Variants in SPDYE10 observed in about 807,000 individuals in gnomAD.
SPDYE10 encodes the protein speedy/RINGO cell cycle regulator family member E10.
chr7:73,126,506 CAAAAAAAA>C, the SPDYE10 span, among the ~76,000 whole-genome samples: 1 of 47,910 alleles, frequency 2.1e-5, no homozygotes, highest in Admixed American at 2.5e-4. Context: ...GACTCCATCT[CAAAAAAAA>C]AAAAAAAAAA....
the SPDYE10 span, among the ~76,000 whole-genome samples, chr7:73,125,063 G>T: frequency 7.1e-6 from 1 of 140,530 alleles, no homozygotes; most frequent in African/African-American, 2.9e-5. Context: ...AAGACAAGGG[G>T]TTGTCCCCAA....
At chr7:73,151,849 C>T in the SPDYE10 span, among the ~76,000 whole-genome samples, 2 of 97,110 alleles carry the variant, frequency 2.1e-5, no homozygotes, top group African/African-American at 5.2e-5. Flanking sequence ...AATTGCCATG[C>T]CCTGCTAAAT....
the SPDYE10 span, among the ~76,000 whole-genome samples, chr7:73,149,235 G>A: frequency 7.3e-6 from 1 of 136,508 alleles, no homozygotes; most frequent in South Asian, 2.5e-4. Flanking sequence ...ACCCGCCTTG[G>A]CCTCCCAAAG....
chr7:73,127,638 T>TA, the SPDYE10 span, among the ~76,000 whole-genome samples: 6,691 of 63,808 alleles, frequency 0.1, 138 homozygotes, highest in African/African-American at 0.22. Flanking sequence ...GGAAGACAAT[T>TA]AAAAAAAAAA....
At chr7:73,155,138 G>A in the SPDYE10 span, 1 of 136,054 alleles carries the variant, frequency 7.4e-6, no homozygotes, top group Middle Eastern at 3.7e-3. Flanking sequence ...GGGTCTCCGG[G>A]CCGGCTGTCG....
At chr7:73,113,757 C>T in the SPDYE10 span, among the ~76,000 whole-genome samples, 2 of 152,024 alleles carry the variant, frequency 1.3e-5, no homozygotes, top group Non-Finnish European at 2.9e-5. Context: ...TAGACGGGGC[C>T]AGGTGCCATG....
chr7:73,134,617 T>G, the SPDYE10 span, among the ~76,000 whole-genome samples: 3 of 152,118 alleles, frequency 2.0e-5, no homozygotes, highest in Non-Finnish European at 4.4e-5. Context: ...ATCCCAGAAT[T>G]TTGGGAGGCT....
chr7:73,123,914 C>T, the SPDYE10 span, among the ~76,000 whole-genome samples: 21 of 151,934 alleles, frequency 1.4e-4, no homozygotes, highest in East Asian at 2.7e-3. Flanking sequence ...CACACAACCA[C>T]GTCCAGCTAA....
chr7:73,113,387 A>T, the SPDYE10 span, among the ~76,000 whole-genome samples: 2 of 68,974 alleles, frequency 2.9e-5, no homozygotes, highest in African/African-American at 1.4e-4. Context: ...ACAAAACAAA[A>T]TTAGCCAGGT....
At chr7:73,104,515 TAA>T in the SPDYE10 span, 1 of 101,276 alleles carries the variant, frequency 9.9e-6, no homozygotes, top group Non-Finnish European at 2.2e-5. Flanking sequence ...TAATAATATT[TAA>T]ATAAATAAAT....
chr7:73,134,537 A>AAGAAAGAAAGAAAGAAGG, the SPDYE10 span, among the ~76,000 whole-genome samples: 1 of 139,530 alleles, frequency 7.2e-6, no homozygotes, highest in South Asian at 2.3e-4. Flanking sequence ...GAAAGAAAGA[A>AAGAAAGAAAGAAAGAAGG]AAAGAAAGAA....
the SPDYE10 span, among the ~76,000 whole-genome samples, chr7:73,150,949 T>TATA: frequency 2.3e-4 from 2 of 8,580 alleles, no homozygotes; most frequent in African/African-American, 5.1e-4. Context: ...TATATATATA[T>TATA]TTTTTTTTTT....
At chr7:73,145,123 C>A in the SPDYE10 span, among the ~76,000 whole-genome samples, 1 of 134,784 alleles carries the variant, frequency 7.4e-6, no homozygotes, top group African/African-American at 3.3e-5. Flanking sequence ...TTCTTTCTTT[C>A]TTTTCTTTCT....
At chr7:73,135,097 G>C in the SPDYE10 span, among the ~76,000 whole-genome samples, 11 of 152,400 alleles carry the variant, frequency 7.2e-5, no homozygotes, top group East Asian at 1.5e-3. Flanking sequence ...ACTCATAGGT[G>C]TTCCTTCACC....
the SPDYE10 span, among the ~76,000 whole-genome samples, chr7:73,135,811 C>CCCCCA: frequency 1.2e-5 from 1 of 83,976 alleles, no homozygotes; most frequent in East Asian, 3.0e-4. Flanking sequence ...CTTCGTGATC[C>CCCCCA]CCCCACCTCG....
the SPDYE10 span, among the ~76,000 whole-genome samples, chr7:73,128,158 A>C: frequency 6.6e-6 from 1 of 152,158 alleles, no homozygotes; most frequent in Admixed American, 6.5e-5. Context: ...TACATATATC[A>C]TTATAGTCTA....
the SPDYE10 span, among the ~76,000 whole-genome samples, chr7:73,113,721 G>T: frequency 1.3e-5 from 2 of 151,880 alleles, no homozygotes; most frequent in Admixed American, 6.5e-5. Flanking sequence ...TGGTGAAACC[G>T]CATCTCTACT....
At chr7:73,127,619 G>C in the SPDYE10 span, among the ~76,000 whole-genome samples, 3 of 97,306 alleles carry the variant, frequency 3.1e-5, no homozygotes, top group Non-Finnish European at 6.6e-5. Context: ...AAGGGGAAGG[G>C]AATGGAAGGG....
At chr7:73,126,847 A>AT in the SPDYE10 span, among the ~76,000 whole-genome samples, 4 of 146,234 alleles carry the variant, frequency 2.7e-5, no homozygotes, top group Non-Finnish European at 6.0e-5. Context: ...TAATATTTGT[A>AT]TTTTTTTAGA....
Sources: gnomAD v4.1 joint callset for allele counts (sites outside exome capture counted in the v4.1 genomes callset) on GRCh38, gnomAD v4.1.1 for gene constraint, MANE v1.5 for transcripts, NCBI Gene and HGNC (gene_info 2026-07-23, HGNC 2026-07-21) for gene names.